The following COL16A1 variants were observed in gnomAD, a reference collection of about 807,000 sequenced individuals.
The protein encoded by COL16A1 is collagen alpha-1(XVI) chain.
In COL16A1, 189 loss-of-function variants were observed where a neutral mutation model predicts 266.3. The observed-to-expected ratio is 0.71, with a 90% confidence interval of 0.63 to 0.80. COL16A1 has a LOEUF of 0.80. Ranked by LOEUF, COL16A1 falls within the 30% of genes least tolerant of loss-of-function variation. The pLI, the probability that COL16A1 is intolerant of heterozygous loss-of-function variation, is 0.00. For synonymous variants in COL16A1, 740 were observed against 782.3 expected (o/e 0.95, Z 0.90); for missense variants, 1,928 against 2,122.4 (o/e 0.91, Z 1.80).
intron 11 of COL16A1, among the ~76,000 whole-genome samples, chr1:31,694,423 G>A (rs576807063): frequency 1.6e-4 from 24 of 152,320 alleles, no homozygotes; most frequent in African/African-American, 5.5e-4. Flanking sequence ...CAGTTGCTGG[G>A]ATAACATGGC....
chr1:31,658,607 G>A (rs747853046), intron 63 of COL16A1, 30 bp from the exon 64 acceptor site: 11 of 1,569,776 alleles, frequency 7.0e-6, no homozygotes, highest in Middle Eastern at 1.7e-4. Flanking sequence ...ACAGTGAGAG[G>A]GGAGGAAAGC....
chr1:31,691,464 G>C lies in COL16A1; in HGVS notation c.1351C>G (p.Pro451Ala), dbSNP rs199979082. Residue 451 changes from proline (P) to alanine (A), a missense_variant, in exon 19 of 71, where the codon CCC becomes GCC. This residue lies in a region of COL16A1 where 1,552 missense variants were observed against 1,637.2 expected (regional missense o/e 0.95). Transcript: ENST00000373672. Reference protein sequence around the residue: ...GPEGLAGEPGPPGLPGPPGIG... With the variant: ...GPEGLAGEPGAPGLPGPPGIG... ...CCAGGGGGTCCAGGGAGGCCGGGGG[G>C]CCCAGGCTCTCCTGCCAGCCCCTCA... is the stretch of plus-strand genomic sequence containing the variant. The C allele has an allele frequency of 2.5e-4, 397 of 1,613,212 alleles. 1 individual carries two copies. In the African/African-American group the frequency reaches 3.5e-3, roughly 14 times the overall value.
Position 31,657,197 on chromosome 1 carries a change from C to T in COL16A1, c.4021-129G>A. ...AGGCCACGATCCTCCAGCCCTCACCCTCTGACAATCTGGGCACAGGCCGTG... is the reference window on the plus strand; with the variant it reads ...AGGCCACGATCCTCCAGCCCTCACCTTCTGACAATCTGGGCACAGGCCGTG... On this transcript the variant is annotated intron_variant, in intron 64 of 70. Coordinates refer to ENST00000373672, the MANE Select transcript of COL16A1 (RefSeq NM_001856.4). This position sits in a 1 kb window ranked among gnomAD's most constrained non-coding sequence, Gnocchi z 6.4. The T allele has an allele frequency of 1.7e-6, 2 of 1,159,268 alleles. No individual in the cohort carries two copies. Among genetic ancestry groups the T allele is most frequent in the Non-Finnish European group, 1.3e-6 (1 of 781,960 alleles). 71.8% of individuals were successfully genotyped at this position (1,159,268 alleles called of 1,614,324 possible).
rs757585318 is a variant in COL16A1, at chr1:31,685,808, G to GC, written c.1885-39dup. On this transcript the variant is annotated intron_variant, in intron 28 of 70. Transcript: ENST00000373672. The surrounding 1 kb of genome is among the most constrained non-coding windows in gnomAD (Gnocchi z 4.0). ...GACATTGAGTTAGGGGGTCCCCCAGGCCCTAGTGCACTTGAGCGAGGTTTG... is the reference window on the plus strand; with the variant it reads ...GACATTGAGTTAGGGGGTCCCCCAGGCCCCTAGTGCACTTGAGCGAGGTTTG... 5 of 1,606,956 alleles carry GC rather than the reference G, an allele frequency of 3.1e-6. No homozygotes were observed. The highest frequency in any genetic ancestry group is 4.3e-6 in the Non-Finnish European group (5 of 1,175,038).
chr1:31,691,570 C>A (rs1330017561), intron 18 of COL16A1, 28 bp downstream of exon 18: 2 of 1,613,904 alleles, frequency 1.2e-6, no homozygotes, highest in Non-Finnish European at 1.7e-6. Flanking sequence ...GCCACCCCAT[C>A]TCCACCCCAC....
rs1644541091 is a variant in COL16A1, at chr1:31,697,261, G to A, written c.697C>T (p.Leu233Phe). 1 of 1,612,704 alleles carries A rather than the reference G, an allele frequency of 6.2e-7. No homozygotes were observed. Among genetic ancestry groups the A allele is most frequent in the Non-Finnish European group, 8.5e-7 (1 of 1,179,434 alleles). ...TCACAGCAGCCCTCCTCCAGCACGAGCTCCGGGTCACAGTAGATGTGCACC... is the reference window on the plus strand; with the variant it reads ...TCACAGCAGCCCTCCTCCAGCACGAACTCCGGGTCACAGTAGATGTGCACC... ...QQVHIYCDPE[L>F]VLEEGCCEIL... Residue 233 changes from leucine to phenylalanine, a missense_variant, in exon 7 of 71, where the codon CTC (leucine) becomes TTC (phenylalanine). Leu to Phe is a conservative substitution (Grantham distance 22, BLOSUM62 0). Transcript: ENST00000373672. This position sits in a 1 kb window ranked among gnomAD's most constrained non-coding sequence, Gnocchi z 4.2.
At position 31,656,560 on chromosome 1, in the gene COL16A1, C is replaced by G. The variant is rs1001172952; in HGVS notation, c.4057-116G>C. 77 of 1,481,374 alleles carry G rather than the reference C, an allele frequency of 5.2e-5. No homozygotes were observed. The African/African-American group carries it at 1.0e-3, about 20-fold the overall frequency. 91.8% of individuals were successfully genotyped at this position (1,481,374 alleles called of 1,614,324 possible). ...GCCTGAGGCCCCCAGGTGTGTCCAG[C>G]CCAGCTCTGTGTGAGAAAGGAGCGC... On this transcript the variant is annotated intron_variant, in intron 65 of 70. Coordinates refer to ENST00000373672, the MANE Select transcript of COL16A1 (RefSeq NM_001856.4). This position sits in a 1 kb window ranked among gnomAD's most constrained non-coding sequence, Gnocchi z 4.2.
chr1:31,668,902 C>T lies in COL16A1; in HGVS notation c.3196-47G>A, dbSNP rs543782148. 3.2e-6 allele frequency: 5 copies of T among 1,568,014 alleles called. No homozygotes were observed. The highest frequency in any genetic ancestry group is 2.2e-5 in the East Asian group (1 of 44,534). On this transcript the variant is annotated intron_variant, in intron 49 of 70. Coordinates refer to ENST00000373672, the MANE Select transcript of COL16A1 (RefSeq NM_001856.4). The surrounding 1 kb of genome is among the most constrained non-coding windows in gnomAD (Gnocchi z 5.8). ...AAACTGCAGGAGCCGGCGGTCCCCA[C>T]CCAGCCCCTGACTCCTTCCCCCTGC...
Position 31,668,057 on chromosome 1 carries a change from C to A in COL16A1, c.3303+108G>T. ...AGGCAAAGGAGGAGGCTGAAATGCC[C>A]GGTAATGGGGAGCCCGCCGAGGGTT... On this transcript the variant is annotated intron_variant, in intron 51 of 70. Transcript: ENST00000373672. The surrounding 1 kb of genome is among the most constrained non-coding windows in gnomAD (Gnocchi z 5.8). 1 of 943,792 alleles carries A rather than the reference C, an allele frequency of 1.1e-6. No individual in the cohort carries two copies. The allele number at this position is 943,792 out of a possible 1,614,324, so 58.5% of individuals were successfully genotyped here. A position where few individuals can be genotyped will look rare whatever the true frequency, so the allele number is the denominator to read the frequency against.
intron 10 of COL16A1, 33 bp from the exon 11 acceptor site, chr1:31,695,254 C>T: frequency 6.2e-7 from 1 of 1,612,934 alleles, no homozygotes; most frequent in Non-Finnish European, 8.5e-7. Context: ...GAGGTCAATT[C>T]TGAGCCCCTG....
At chr1:31,699,686 C>A (rs1570604395) in intron 4 of COL16A1, 127 bp downstream of exon 4, 2 of 692,750 alleles carry the variant, frequency 2.9e-6, no homozygotes, top group East Asian at 2.5e-5. Context: ...ACCAGGTTGA[C>A]TCCTGGCAGG....
intron 59 of COL16A1, 100 bp downstream of exon 59, chr1:31,661,560 A>G: frequency 6.2e-7 from 1 of 1,612,354 alleles, no homozygotes; most frequent in Non-Finnish European, 8.5e-7. Context: ...ATCCAAAGTC[A>G]TAACACGGTC....
At position 31,684,166 on chromosome 1, in the gene COL16A1, C is replaced by T. The variant is rs1478471121; in HGVS notation, c.2226G>A (p.Gly742=). The change falls in exon 32 of 71, where the codon GGG becomes GGA. Residue 742 remains glycine (G), a synonymous_variant. Coordinates refer to ENST00000373672, the MANE Select transcript of COL16A1 (RefSeq NM_001856.4). The part of the protein sequence containing the change: ...GTVTDMAGRP[G]QPGPKGEQGP... ...CCTGCTCTCCTTTGGGGCCGGGCTGCCCAGGCCGTCCTGCCATGTCTGTCA... is the reference window on the plus strand; with the variant it reads ...CCTGCTCTCCTTTGGGGCCGGGCTGTCCAGGCCGTCCTGCCATGTCTGTCA... 6.5e-7 allele frequency: 1 copy of T among 1,544,664 alleles called. No individual in the cohort carries two copies. The highest frequency in any genetic ancestry group is 8.7e-7 in the Non-Finnish European group (1 of 1,143,468).
chr1:31,687,318 G>A (rs1644029524), intron 26 of COL16A1, among the ~76,000 whole-genome samples: 1 of 149,506 alleles, frequency 6.7e-6, no homozygotes, highest in Non-Finnish European at 1.5e-5. Context: ...GGAGGTGGAG[G>A]TTGCAGTGAG....
At position 31,697,115 on chromosome 1, in the gene COL16A1, G is replaced by T. The variant is rs781048726; in HGVS notation, c.739-27C>A. On this transcript the variant is annotated intron_variant, in intron 7 of 70. Coordinates refer to ENST00000373672, the MANE Select transcript of COL16A1 (RefSeq NM_001856.4). This position sits in a 1 kb window ranked among gnomAD's most constrained non-coding sequence, Gnocchi z 4.2. ...TGTTTGGTGGAAGAGCGGGGCTAGG[G>T]TCAGTACAGGAGCAGACTCCTCCTA... is the stretch of plus-strand genomic sequence containing the variant. The T allele has an allele frequency of 7.4e-6, 12 of 1,613,836 alleles. No homozygotes were observed. The highest frequency in any genetic ancestry group is 1.7e-5 in the Admixed American group (1 of 60,008).
At chr1:31,695,128 G>A in intron 11 of COL16A1, 58 bp downstream of exon 11, 1 of 1,597,772 alleles carries the variant, frequency 6.3e-7, no homozygotes, top group Non-Finnish European at 8.6e-7. Flanking sequence ...GCCAGCTCTA[G>A]GCAACGTCCA....
Position 31,685,618 on chromosome 1 carries a change from C to G in COL16A1, c.2016+21G>C. 6.2e-7 allele frequency: 1 copy of G among 1,612,134 alleles called. No individual in the cohort carries two copies. Among genetic ancestry groups the G allele is most frequent in the Non-Finnish European group, 8.5e-7 (1 of 1,178,716 alleles). Reference sequence around the variant, plus strand: ...CGCCTGCATCCCCCGTCCAGAGGCCCCTGCCTATATCCCACCTCACCTGTT... The same window carrying G: ...CGCCTGCATCCCCCGTCCAGAGGCCGCTGCCTATATCCCACCTCACCTGTT... On this transcript the variant is annotated intron_variant, in intron 29 of 70. Transcript: ENST00000373672. The surrounding 1 kb of genome is among the most constrained non-coding windows in gnomAD (Gnocchi z 4.0).
At chr1:31,693,322 G>A in intron 12 of COL16A1, 168 bp from the exon 13 acceptor site, 1 of 607,628 alleles carries the variant, frequency 1.6e-6, no homozygotes, top group South Asian at 1.8e-5. Flanking sequence ...CCACACACAA[G>A]CATATGGATT....
intron 42 of COL16A1, among the ~76,000 whole-genome samples, chr1:31,675,685 A>G (rs902392665): frequency 6.6e-6 from 1 of 150,892 alleles, no homozygotes; most frequent in African/African-American, 2.4e-5. Context: ...CTTTGTAGAG[A>G]CGGGGTCTCA....
Sources: allele counts gnomAD v4.1 joint callset (sites outside exome capture counted in the v4.1 genomes callset), GRCh38; gene constraint gnomAD v4.1.1; regional missense constraint gnomAD v4.1.1; non-coding constraint Gnocchi (gnomAD v3.1); transcripts MANE v1.5; gene names NCBI Gene and HGNC (gene_info 2026-07-23, HGNC 2026-07-21).